Variants in SNX14 observed in about 807,000 individuals in gnomAD.
SNX14 encodes sorting nexin 14.
SNX14 carries 93 observed loss-of-function variants against 133.8 expected under a neutral mutation model. That is an observed-to-expected ratio of 0.70 (90% CI 0.59 to 0.83). The LOEUF is 0.83. SNX14 is among the 40% of genes least tolerant of loss of function. The probability of loss-of-function intolerance (pLI) is 0.00; values close to 1 mark genes in which losing one functional copy is unlikely to be tolerated. For missense variants in SNX14, 945 were observed against 1,094.9 expected, an observed-to-expected ratio of 0.86 and a Z score of 1.93; for synonymous variants, 368 against 365.6, an observed-to-expected ratio of 1.01 and a Z score of -0.07.
intron 7 of SNX14, among the ~76,000 whole-genome samples, chr6:85,554,384 T>C (rs1056678052): frequency 8.5e-5 from 13 of 152,120 alleles, no homozygotes; most frequent in African/African-American, 2.9e-4. Flanking sequence ...AACTTCTATA[T>C]AACGCCTATT....
intron 1 of SNX14, among the ~76,000 whole-genome samples, chr6:85,591,587 A>G (rs1468566720): frequency 6.6e-6 from 1 of 152,140 alleles, no homozygotes; most frequent in Admixed American, 6.5e-5. Context: ...CACAACACTA[A>G]ATGTTATGAC....
chr6:85,546,854 G>C (rs1195445678), intron 12 of SNX14, among the ~76,000 whole-genome samples: 1 of 151,792 alleles, frequency 6.6e-6, no homozygotes, highest in Non-Finnish European at 1.5e-5. Context: ...CCAGCTACTT[G>C]GGAGACTGAG....
chr6:85,532,914 T>C (rs1375098498), intron 18 of SNX14, among the ~76,000 whole-genome samples: 2 of 152,028 alleles, frequency 1.3e-5, no homozygotes, highest in East Asian at 3.9e-4. Context: ...GGAGACAGGG[T>C]TTCACTCTTT....
intron 6 of SNX14, among the ~76,000 whole-genome samples, chr6:85,561,708 G>A (rs1036428830): frequency 6.6e-6 from 1 of 152,124 alleles, no homozygotes; most frequent in Non-Finnish European, 1.5e-5. Flanking sequence ...CAGTGATAAG[G>A]AGGTATATGT....
intron 18 of SNX14, among the ~76,000 whole-genome samples, chr6:85,531,367 G>C (rs1236599898): frequency 6.6e-6 from 1 of 152,108 alleles, no homozygotes; most frequent in South Asian, 2.1e-4. Flanking sequence ...ATAGCACAGA[G>C]TAAATACCTC....
chr6:85,517,975 A>G (rs1172768678), intron 22 of SNX14, 33 bp downstream of exon 22: 1 of 1,588,044 alleles, frequency 6.3e-7, no homozygotes, highest in Non-Finnish European at 8.6e-7. Flanking sequence ...TATGATTATC[A>G]TGTTATAGAA....
chr6:85,523,411 G>C (rs1373088534), intron 21 of SNX14, among the ~76,000 whole-genome samples: 1 of 152,152 alleles, frequency 6.6e-6, no homozygotes, highest in Non-Finnish European at 1.5e-5. Flanking sequence ...TAAGGAAACA[G>C]TAAAGGGAAT....
intron 6 of SNX14, 62 bp downstream of exon 6, chr6:85,565,270 T>G (rs1793409323): frequency 9.1e-7 from 1 of 1,094,946 alleles, no homozygotes; most frequent in East Asian, 2.5e-5. Flanking sequence ...AAAATTGTTT[T>G]AAATCTCTTT....
At chr6:85,555,400 T>G (rs1356935056) in intron 7 of SNX14, among the ~76,000 whole-genome samples, 1 of 152,066 alleles carries the variant, frequency 6.6e-6, no homozygotes, top group Non-Finnish European at 1.5e-5. Flanking sequence ...AACTGAGTAG[T>G]AAAAAGAAAT....
intron 1 of SNX14, among the ~76,000 whole-genome samples, chr6:85,588,232 A>C (rs1396408978): frequency 6.6e-6 from 1 of 152,094 alleles, no homozygotes; most frequent in African/African-American, 2.4e-5. Flanking sequence ...GCAGTGAGCC[A>C]AGATCATGCC....
intron 15 of SNX14, among the ~76,000 whole-genome samples, chr6:85,541,339 T>C (rs1472102244): frequency 6.6e-6 from 1 of 152,222 alleles, no homozygotes; most frequent in Non-Finnish European, 1.5e-5. Context: ...GTTGATTTGC[T>C]ATTAAGTGAC....
intron 15 of SNX14, among the ~76,000 whole-genome samples, chr6:85,539,277 C>G (rs1353006924): frequency 1.3e-5 from 2 of 152,084 alleles, no homozygotes; most frequent in Admixed American, 1.3e-4. Context: ...GGAAAGTATG[C>G]AGAGACTGAG....
At chr6:85,537,112 G>GTATTT in intron 16 of SNX14, 188 bp from the exon 17 acceptor site, 2 of 449,084 alleles carry the variant, frequency 4.5e-6, no homozygotes, top group Non-Finnish European at 7.5e-6. Flanking sequence ...AAATGACACA[G>GTATTT]TATTTAAAGT....
Position 85,574,356 on chromosome 6 carries a change from A to T in SNX14, c.163T>A (p.Phe55Ile). Residue 55 changes from phenylalanine to isoleucine, a missense_variant, in exon 2 of 29, where the codon TTC becomes ATC. Physicochemically the swap from Phe to Ile is conservative, Grantham distance 21. Around this residue, in one of 3 missense-constraint regions of SNX14, gnomAD observed 514 missense variants for 538.8 expected, o/e 0.95. Coordinates refer to ENST00000314673, the MANE Select transcript of SNX14 (RefSeq NM_153816.6). ...ACAACTCCAGCAACAAATGACCAGA[A>T]GATCATTAAAATATGAATATACCTT... ...LNRYIHILMIFWSFVAGVVTF... is the reference protein window; with the variant it reads ...LNRYIHILMIIWSFVAGVVTF... The T allele has an allele frequency of 6.4e-7, 1 of 1,561,436 alleles. No individual in the cohort carries two copies. The highest frequency in any genetic ancestry group is 1.2e-5 in the South Asian group (1 of 86,616).
chr6:85,510,024 GTTTA>G (rs1056289412), intron 26 of SNX14, among the ~76,000 whole-genome samples: 3 of 152,132 alleles, frequency 2.0e-5, no homozygotes, highest in African/African-American at 4.8e-5. Context: ...AGAAGTATGA[GTTTA>G]TTTATCCATT....
chr6:85,586,564 T>A (rs866359511), intron 1 of SNX14, among the ~76,000 whole-genome samples: 2 of 152,102 alleles, frequency 1.3e-5, no homozygotes, highest in African/African-American at 2.4e-5. Context: ...TAGTTTTGTA[T>A]GGAAGTGATT....
chr6:85,566,805 T>G (rs866858722), intron 5 of SNX14, among the ~76,000 whole-genome samples: 2 of 152,174 alleles, frequency 1.3e-5, no homozygotes, highest in African/African-American at 4.8e-5. Flanking sequence ...GGTATAAGTG[T>G]TCAAATATAT....
chr6:85,561,945 C>T (rs1197776334), intron 6 of SNX14, among the ~76,000 whole-genome samples: 1 of 151,736 alleles, frequency 6.6e-6, no homozygotes, highest in Non-Finnish European at 1.5e-5. Context: ...TATTTCGTCA[C>T]CCAAGTAATG....
chr6:85,514,185 T>C lies in SNX14; in HGVS notation c.2442A>G (p.Gly814=). The change falls in exon 25 of 29, where the codon GGA becomes GGG. Residue 814 remains glycine, a synonymous_variant. Transcript: ENST00000314673. ...GGGTGTTTTTAAAGAGGATTCGAGT[T>C]CCCATTAAGAGATGATGAAGCCAGT... The part of the protein sequence containing the change: ...VPDWLHHLLM[G]TRILFKNTLE... 1 of 1,613,914 alleles carries C rather than the reference T, an allele frequency of 6.2e-7. No homozygotes were observed. The highest frequency in any genetic ancestry group is 2.2e-5 in the East Asian group (1 of 44,834).
Sources: allele counts gnomAD v4.1 joint callset (sites outside exome capture counted in the v4.1 genomes callset), GRCh38; gene constraint gnomAD v4.1.1; regional missense constraint gnomAD v4.1.1; transcripts MANE v1.5; gene names NCBI Gene and HGNC (gene_info 2026-07-23, HGNC 2026-07-21).